The following RC3H1 variants were observed in gnomAD, a reference collection of about 807,000 sequenced individuals.
RC3H1 encodes roquin-1.
In RC3H1, 50 loss-of-function variants were observed where a neutral mutation model predicts 138.2. That is an observed-to-expected ratio of 0.36 (90% CI 0.29 to 0.46). RC3H1 has a LOEUF of 0.46. Ranked by LOEUF, RC3H1 falls within the 20% of genes least tolerant of loss-of-function variation. RC3H1 has a pLI of 1.00. For synonymous variants in RC3H1, 462 were observed against 489.1 expected, an observed-to-expected ratio of 0.94 and a Z score of 0.73; for missense variants, 1,031 against 1,388.1, an observed-to-expected ratio of 0.74 and a Z score of 4.09.
In RC3H1 at chr1:173,935,260, T is replaced by A. The variant is rs1228847585; in HGVS notation, c.*3461A>T. The A allele has an allele frequency of 6.6e-6, 1 of 152,168 alleles. No homozygotes were observed. Among genetic ancestry groups the A allele is most frequent in the Non-Finnish European group, 1.5e-5 (1 of 68,004 alleles). The allele number at this position is 152,168 out of a possible 1,614,324, so 9.4% of individuals were successfully genotyped here. On this transcript the variant is annotated 3_prime_UTR_variant, in exon 20 of 20. Coordinates refer to ENST00000367696, the MANE Select transcript of RC3H1 (RefSeq NM_172071.4). Reference sequence around the variant, plus strand: ...ATATAAATTAGGCAAAAGAGCTACATATAAACCAGAAATGGAATCTAGATG... The same window carrying A: ...ATATAAATTAGGCAAAAGAGCTACAAATAAACCAGAAATGGAATCTAGATG...
intron 2 of RC3H1, among the ~76,000 whole-genome samples, chr1:173,990,882 G>A (rs112138826): frequency 1.6e-4 from 24 of 152,280 alleles, no homozygotes; most frequent in African/African-American, 4.1e-4. Context: ...GATTACAGGC[G>A]TGAACCACTG....
chr1:173,996,783 TTCCCTCAGAGACCCACTGCTTTGGAG>T (rs2103055875), intron 1 of RC3H1, among the ~76,000 whole-genome samples: 1 of 152,272 alleles, frequency 6.6e-6, no homozygotes, highest in African/African-American at 2.4e-5. Context: ...TCCTCTCACT[TTCCCTCAGAGACCCACTGCTTTGGAG>T]AATACTCCCA....
At chr1:173,985,537 TTAA>T (rs1446132551) in intron 2 of RC3H1, among the ~76,000 whole-genome samples, 1 of 152,154 alleles carries the variant, frequency 6.6e-6, no homozygotes, top group African/African-American at 2.4e-5. Context: ...TTATTTTAAA[TTAA>T]TAATAATTGC....
intron 11 of RC3H1, among the ~76,000 whole-genome samples, chr1:173,962,832 T>C (rs1365855742): frequency 1.3e-5 from 2 of 152,184 alleles, no homozygotes; most frequent in African/African-American, 4.8e-5. Flanking sequence ...TTTCCTATAA[T>C]GGATGGTCAA....
At chr1:173,983,078 T>C (rs1392782944) in intron 4 of RC3H1, 176 bp from the exon 5 acceptor site, 3 of 508,752 alleles carry the variant, frequency 5.9e-6, no homozygotes, top group Admixed American at 7.6e-5. Flanking sequence ...TATTACATTC[T>C]ATATATTTTA....
At chr1:173,983,687 G>A in intron 3 of RC3H1, 30 bp from the exon 4 acceptor site, 1 of 1,607,180 alleles carries the variant, frequency 6.2e-7, no homozygotes, top group East Asian at 2.2e-5. Context: ...TTATTCCTAG[G>A]TTCACAATGC....
chr1:173,978,760 A>G, intron 6 of RC3H1, 140 bp from the exon 7 acceptor site: 1 of 826,732 alleles, frequency 1.2e-6, no homozygotes, highest in Admixed American at 3.1e-5. Flanking sequence ...GCCAGAGTAG[A>G]TTACTTGCTA....
At chr1:174,020,795 G>C (rs1041714639) in intron 1 of RC3H1, among the ~76,000 whole-genome samples, 1 of 152,150 alleles carries the variant, frequency 6.6e-6, no homozygotes, top group South Asian at 2.1e-4. Context: ...GATGACTTGA[G>C]GTCAGGAGTT....
At chr1:174,010,925 T>C (rs1661738525) in intron 1 of RC3H1, among the ~76,000 whole-genome samples, 1 of 152,194 alleles carries the variant, frequency 6.6e-6, no homozygotes, top group Non-Finnish European at 1.5e-5. Context: ...GCTTTTCATC[T>C]TAAAACTCTG....
Position 173,943,484 on chromosome 1 carries a change from C to T in RC3H1, c.3093G>A (p.Gln1031=), listed in dbSNP as rs764577836. ...SSEQLSLELH[Q]VEREIGKRTR... ...TTCTCTTCCCGATTTCCCTTTCCAC[C>T]TGGTGCAGTTCCAAGCTCAACTGCT... The change falls in exon 18 of 20, where the codon CAG becomes CAA. Residue 1031 remains glutamine (Q), a synonymous_variant. Coordinates refer to ENST00000367696, the MANE Select transcript of RC3H1 (RefSeq NM_172071.4). 3 of 1,613,994 alleles carry T rather than the reference C, an allele frequency of 1.9e-6. No homozygotes were observed. The South Asian group carries it at 3.3e-5, about 18-fold the overall frequency.
At chr1:174,011,771 G>A (rs1571243055) in intron 1 of RC3H1, among the ~76,000 whole-genome samples, 2 of 151,978 alleles carry the variant, frequency 1.3e-5, no homozygotes, top group South Asian at 4.1e-4. Context: ...AACCAATTTG[G>A]GTTCTACAGA....
Position 173,978,477 on chromosome 1 carries a change from C to G in RC3H1, c.1102+11G>C, listed in dbSNP as rs751232023. On this transcript the variant is annotated intron_variant, in intron 7 of 19. Coordinates refer to ENST00000367696, the MANE Select transcript of RC3H1 (RefSeq NM_172071.4). Reference sequence around the variant, plus strand: ...CATATAAGATAGTCCATTAATTTCCCGTGGGTTTACCTGGACTAGGGTCAA... The same window carrying G: ...CATATAAGATAGTCCATTAATTTCCGGTGGGTTTACCTGGACTAGGGTCAA... The G allele has an allele frequency of 3.7e-6, 6 of 1,612,404 alleles. No individual in the cohort carries two copies. The Admixed American group carries it at 6.7e-5, about 18-fold the overall frequency.
intron 10 of RC3H1, 73 bp from the exon 11 acceptor site, chr1:173,964,260 A>G (rs968436035): frequency 8.7e-6 from 11 of 1,266,852 alleles, no homozygotes; most frequent in Non-Finnish European, 1.1e-5. Context: ...AGTAAAAAAG[A>G]TTGCTACAAT....
chr1:173,997,237 C>A (rs1435103220), intron 1 of RC3H1, among the ~76,000 whole-genome samples: 1 of 151,706 alleles, frequency 6.6e-6, no homozygotes, highest in Non-Finnish European at 1.5e-5. Flanking sequence ...CAAAACAAGA[C>A]AAAAAAACTT....
intron 19 of RC3H1, among the ~76,000 whole-genome samples, chr1:173,939,630 T>C (rs188265179): frequency 6.9e-6 from 1 of 144,334 alleles, no homozygotes; most frequent in East Asian, 2.0e-4. Flanking sequence ...AGGTCAGGAG[T>C]TTGAAACCAG....
intron 13 of RC3H1, among the ~76,000 whole-genome samples, chr1:173,955,603 G>A (rs187485872): frequency 4.9e-4 from 75 of 151,972 alleles, no homozygotes; most frequent in African/African-American, 1.7e-3. Flanking sequence ...ACAGGTGTGA[G>A]CCACCGCGCC....
At chr1:173,943,722 C>T in intron 17 of RC3H1, 107 bp from the exon 18 acceptor site, 6 of 1,092,468 alleles carry the variant, frequency 5.5e-6, no homozygotes, top group Non-Finnish European at 7.5e-6. Context: ...ATCACCCAGC[C>T]ATTTGCAACA....
intron 1 of RC3H1, among the ~76,000 whole-genome samples, chr1:173,997,328 T>C (rs1286173696): frequency 6.6e-6 from 1 of 152,080 alleles, no homozygotes; most frequent in Non-Finnish European, 1.5e-5. Context: ...ATTGAAAGAG[T>C]AACACAAAGC....
In RC3H1 at chr1:173,957,011, T is replaced by TC. The variant is rs533527630; in HGVS notation, c.2370+4065dup. On this transcript the variant is annotated intron_variant, in intron 13 of 19. Transcript: ENST00000367696. ...TCACTGCAACCTCCGCCTGCTGGGT[T>TC]CAAGCAATTCTCCTGCCTCAGTCTC... 1.9e-3 allele frequency among the ~76,000 whole-genome samples: 285 copies of TC among 152,116 alleles called. 3 individuals are homozygous for TC. Among genetic ancestry groups the TC allele is most frequent in the African/African-American group, 6.7e-3 (279 of 41,492 alleles).
Sources: gnomAD v4.1 joint callset for allele counts (sites outside exome capture counted in the v4.1 genomes callset) on GRCh38, gnomAD v4.1.1 for gene constraint, MANE v1.5 for transcripts, NCBI Gene and HGNC (gene_info 2026-07-23, HGNC 2026-07-21) for gene names.